The following MEP1A variants were observed in gnomAD, a reference collection of about 807,000 sequenced individuals.
The protein encoded by MEP1A is meprin A subunit alpha.
A neutral mutation model predicts 84.5 loss-of-function variants in MEP1A; 68 were observed. The ratio of observed to expected loss-of-function variants is 0.80; its 90% confidence interval spans 0.66 to 0.98. The LOEUF is 0.98. MEP1A is among the 50% of genes least tolerant of loss of function. The probability of loss-of-function intolerance (pLI) is 0.00; values close to 1 mark genes in which losing one functional copy is unlikely to be tolerated. For missense variants in MEP1A, 887 were observed against 919.9 expected (o/e 0.96, Z 0.46); for synonymous variants, 337 against 336.8 (o/e 1.00, Z -0.01).
intron 10 of MEP1A, among the ~76,000 whole-genome samples, chr6:46,830,347 A>C (rs982137977): frequency 2.0e-5 from 3 of 151,880 alleles, no homozygotes. Flanking sequence ...ATGCTGAAGT[A>C]ACTTGAAGCC....
Position 46,815,280 on chromosome 6 carries a change from T to C in MEP1A, c.381-4249T>C, listed in dbSNP as rs979007449. On this transcript the variant is annotated intron_variant, in intron 6 of 13. Coordinates refer to ENST00000230588, the MANE Select transcript of MEP1A (RefSeq NM_005588.3). ...GGCTTGCTGTGGCTGTTGTGGGGAA[T>C]GGGGGTGTGGTTTCCAGTCCAGTGG... Among the ~76,000 whole-genome samples the C allele has an allele frequency of 3.9e-5, 6 of 151,980 alleles. No individual in the cohort carries two copies. The East Asian group carries it at 1.2e-3, about 29-fold the overall frequency.
intron 5 of MEP1A, among the ~76,000 whole-genome samples, chr6:46,801,277 A>G (rs1767192908): frequency 6.6e-6 from 1 of 152,088 alleles, no homozygotes; most frequent in Non-Finnish European, 1.5e-5. Flanking sequence ...ATCCTCGCTA[A>G]TATTGATAGC....
chr6:46,833,635 T>C (rs1445880159), intron 11 of MEP1A, 97 bp downstream of exon 11: 2 of 896,498 alleles, frequency 2.2e-6, no homozygotes, highest in South Asian at 1.6e-5. Context: ...TCTCCTCACA[T>C]TGTCTGTTTG....
At chr6:46,819,273 T>C (rs762558544) in intron 6 of MEP1A, among the ~76,000 whole-genome samples, 1 of 152,204 alleles carries the variant, frequency 6.6e-6, no homozygotes, top group African/African-American at 2.4e-5. Context: ...TATAATAGGA[T>C]TGATTTGCTT....
At chr6:46,826,248 G>A (rs2150753283) in intron 8 of MEP1A, 106 bp from the exon 9 acceptor site, 1 of 1,003,800 alleles carries the variant, frequency 1.0e-6, no homozygotes, top group Middle Eastern at 2.2e-4. Context: ...TAACAAGCTT[G>A]TGATCCTGTC....
chr6:46,813,454 C>T (rs551693502), intron 6 of MEP1A, among the ~76,000 whole-genome samples: 1 of 152,190 alleles, frequency 6.6e-6, no homozygotes, highest in African/African-American at 2.4e-5. Context: ...TACAAATAGA[C>T]AATTCTGAAG....
At chr6:46,824,747 GAT>G (rs1767870394) in intron 7 of MEP1A, among the ~76,000 whole-genome samples, 1 of 60,320 alleles carries the variant, frequency 1.7e-5, no homozygotes, top group Non-Finnish European at 3.8e-5. Context: ...TATTTAAATA[GAT>G]GTATTTAAAT....
chr6:46,833,996 A>T lies in MEP1A; in HGVS notation c.1609+458A>T, dbSNP rs1238304411. Among the ~76,000 whole-genome samples the T allele has an allele frequency of 5.2e-5, 7 of 135,644 alleles. No individual in the cohort carries two copies. In the South Asian group the frequency reaches 1.4e-3, roughly 28 times the overall value. The allele number at this position is 135,644 out of a possible 152,430, so 89.0% of individuals were successfully genotyped here. On this transcript the variant is annotated intron_variant, in intron 11 of 13. Transcript: ENST00000230588. ...GCAAACTATTTTTTTTTTTTTTTTG[A>T]GATGGAGTCTCCCTCTGTCGCCCAG...
At chr6:46,803,122 A>G (rs531024123) in intron 5 of MEP1A, among the ~76,000 whole-genome samples, 7 of 151,780 alleles carry the variant, frequency 4.6e-5, no homozygotes, top group South Asian at 2.1e-4. Context: ...AAAAATCACC[A>G]ATAAAATAAA....
the MEP1A span, among the ~76,000 whole-genome samples, chr6:46,845,803 A>ATCT: frequency 2.6e-5 from 4 of 152,332 alleles, no homozygotes; most frequent in East Asian, 7.7e-4. Context: ...GTACCAATCT[A>ATCT]GTATCTTTCC....
chr6:46,823,783 C>T (rs753398433), intron 7 of MEP1A, among the ~76,000 whole-genome samples: 30 of 152,154 alleles, frequency 2.0e-4, no homozygotes, highest in Non-Finnish European at 3.5e-4. Context: ...TAATGCAGCC[C>T]AAACAGTAAA....
chr6:46,824,114 A>G (rs960936341), intron 7 of MEP1A, among the ~76,000 whole-genome samples: 8 of 152,110 alleles, frequency 5.3e-5, no homozygotes. Flanking sequence ...GACTCAGTGT[A>G]TGAGGTACTT....
At chr6:46,804,848 G>A (rs1233236570) in intron 5 of MEP1A, among the ~76,000 whole-genome samples, 1 of 151,676 alleles carries the variant, frequency 6.6e-6, no homozygotes, top group Non-Finnish European at 1.5e-5. Flanking sequence ...CACTTTTCCA[G>A]AAAAAGAAGG....
chr6:46,825,021 AT>A (rs1767895916), intron 7 of MEP1A, among the ~76,000 whole-genome samples: 1 of 78,332 alleles, frequency 1.3e-5, no homozygotes, highest in African/African-American at 4.2e-5. Context: ...TATAAATTAT[AT>A]ATTTAAATAG....
At chr6:46,843,652 C>G (rs976610498), downstream of MEP1A, among the ~76,000 whole-genome samples, 9 of 152,126 alleles carry the variant, frequency 5.9e-5, no homozygotes, top group African/African-American at 2.2e-4. Context: ...TTAACCTCCC[C>G]CAGGGTGTGG....
chr6:46,839,905 A>G (rs1378673558), downstream of MEP1A: 1 of 152,192 alleles, frequency 6.6e-6, no homozygotes, highest in Admixed American at 6.5e-5. Flanking sequence ...ATTTATGTAC[A>G]ACATTATCAT....
intron 5 of MEP1A, among the ~76,000 whole-genome samples, chr6:46,801,342 G>A (rs984609279): frequency 2.6e-5 from 4 of 151,968 alleles, no homozygotes; most frequent in African/African-American, 9.7e-5. Context: ...ATCTCCCTAC[G>A]ATTTTAATTT....
At chr6:46,818,596 A>C (rs1279630758) in intron 6 of MEP1A, among the ~76,000 whole-genome samples, 1 of 152,202 alleles carries the variant, frequency 6.6e-6, no homozygotes, top group Non-Finnish European at 1.5e-5. Context: ...TTCTACCGTA[A>C]GGAATTCAGG....
At chr6:46,818,983 T>TGGGTGTGGTG (rs34358330) in intron 6 of MEP1A, among the ~76,000 whole-genome samples, 1 of 52,460 alleles carries the variant, frequency 1.9e-5, no homozygotes. Context: ...AAACATTATC[T>TGGGTGTGGTG]GCCTGTGGTT....
Sources: gnomAD v4.1 joint callset for allele counts (sites outside exome capture counted in the v4.1 genomes callset) on GRCh38, gnomAD v4.1.1 for gene constraint, MANE v1.5 for transcripts, NCBI Gene and HGNC (gene_info 2026-07-23, HGNC 2026-07-21) for gene names.